DLGAP4: variants seen among roughly 807,000 people sequenced by gnomAD.
DLGAP4 encodes DLG associated protein 4.
DLGAP4 carries 18 observed loss-of-function variants against 86.9 expected under a neutral mutation model. The observed-to-expected ratio is 0.21, with a 90% CI of 0.14 to 0.31. The LOEUF (loss-of-function observed/expected upper bound fraction) is 0.31. Among genes scored for constraint, DLGAP4 ranks in the 10% least tolerant of loss-of-function variants. The pLI, the probability that DLGAP4 is intolerant of heterozygous loss-of-function variation, is 1.00. For synonymous variants in DLGAP4, 548 were observed against 574.3 expected, an observed-to-expected ratio of 0.95 and a Z score of 0.65; for missense variants, 1,085 against 1,362.6, an observed-to-expected ratio of 0.80 and a Z score of 3.21.
intron 10 of DLGAP4, among the ~76,000 whole-genome samples, chr20:36,502,648 G>A (rs543758856): frequency 5.3e-5 from 8 of 151,992 alleles, no homozygotes; most frequent in Non-Finnish European, 8.8e-5. Context: ...CACCACACCC[G>A]GACAACAATT....
At chr20:36,366,812 A>G in intron 1 of DLGAP4, among the ~76,000 whole-genome samples, 1 of 152,216 alleles carries the variant, frequency 6.6e-6, no homozygotes, top group East Asian at 1.9e-4. Flanking sequence ...TGGGAAAGGC[A>G]CTGTAAATAT....
chr20:36,412,722 C>G (rs757620061), intron 2 of DLGAP4, among the ~76,000 whole-genome samples: 8 of 152,140 alleles, frequency 5.3e-5, no homozygotes, highest in Admixed American at 1.3e-4. Context: ...GGTCTTGATT[C>G]ACAAGACTTT....
chr20:36,338,317 T>C (rs570271609), intron 1 of DLGAP4, among the ~76,000 whole-genome samples: 1 of 152,240 alleles, frequency 6.6e-6, no homozygotes, highest in African/African-American at 2.4e-5. Context: ...ATCCCAACAC[T>C]TTGGGAGGCC....
intron 1 of DLGAP4, among the ~76,000 whole-genome samples, chr20:36,310,422 G>T (rs1422084128): frequency 1.3e-5 from 2 of 152,074 alleles, no homozygotes; most frequent in Admixed American, 6.5e-5. Context: ...TAGGAGCCCT[G>T]TTGCGAATTT....
intron 7 of DLGAP4, among the ~76,000 whole-genome samples, chr20:36,451,110 G>A (rs192550082): frequency 5.3e-5 from 8 of 152,250 alleles, no homozygotes; most frequent in Admixed American, 1.3e-4. Context: ...CATCTTGAAC[G>A]GTCTTACTCC....
At chr20:36,521,937 A>G (rs1043251607) in intron 10 of DLGAP4, among the ~76,000 whole-genome samples, 3 of 152,062 alleles carry the variant, frequency 2.0e-5, no homozygotes, top group Non-Finnish European at 4.4e-5. Context: ...TTCTTTCTTG[A>G]TGAGCTCTTG....
intron 7 of DLGAP4, among the ~76,000 whole-genome samples, chr20:36,468,391 T>G (rs2034512482): frequency 6.6e-6 from 1 of 152,232 alleles, no homozygotes; most frequent in African/African-American, 2.4e-5. Context: ...TTTCTCAGGC[T>G]GCAGCCAGGA....
chr20:36,432,003 A>G lies in DLGAP4; in HGVS notation c.286A>G (p.Lys96Glu). Residue 96 changes from lysine (K) to glutamate (E), a missense_variant, in exon 3 of 13, where the codon AAG becomes GAG. This residue lies in a region of DLGAP4 where 1,082 missense variants were observed against 1,344.1 expected (regional missense o/e 0.81). Coordinates refer to ENST00000339266, the MANE Select transcript of DLGAP4 (RefSeq NM_001365621.2). The surrounding 1 kb of genome is among the most constrained non-coding windows in gnomAD (Gnocchi z 6.5). ...CTTCCCCAGCCATGCCCAAGCCACC[A>G]AGATCAACCGGCTGCCCGCCAACCT... Reference protein sequence around the residue: ...SPFPSHAQATKINRLPANLLD... With the variant: ...SPFPSHAQATEINRLPANLLD... 6.2e-7 allele frequency: 1 copy of G among 1,614,012 alleles called. No individual in the cohort carries two copies. The highest frequency in any genetic ancestry group is 8.5e-7 in the Non-Finnish European group (1 of 1,179,976).
At chr20:36,454,061 A>G (rs1164241269) in intron 7 of DLGAP4, among the ~76,000 whole-genome samples, 1 of 151,978 alleles carries the variant, frequency 6.6e-6, no homozygotes, top group Non-Finnish European at 1.5e-5. Flanking sequence ...ACCTGAGGTC[A>G]GGAGTTTGAG....
At chr20:36,440,916 G>GACTTA (rs2147563173) in intron 5 of DLGAP4, among the ~76,000 whole-genome samples, 1 of 152,138 alleles carries the variant, frequency 6.6e-6, no homozygotes, top group East Asian at 1.9e-4. Context: ...AGAAGGCTTT[G>GACTTA]GGACCCCGAC....
intron 1 of DLGAP4, among the ~76,000 whole-genome samples, chr20:36,342,929 C>T (rs782183580): frequency 2.6e-5 from 4 of 152,062 alleles, no homozygotes; most frequent in Non-Finnish European, 4.4e-5. Flanking sequence ...GTGGTGGGAG[C>T]AGCAAGGGCC....
chr20:36,467,050 CTCTCTCTCTCTCT>C (rs1283024574), intron 7 of DLGAP4, among the ~76,000 whole-genome samples: 360 of 134,464 alleles, frequency 2.7e-3, no homozygotes, highest in Middle Eastern at 3.5e-3. Context: ...CTCTCTCTCT[CTCTCTCTCTCTCT>C]CCCCCCCCCT....
chr20:36,373,397 G>C (rs2031019091), intron 2 of DLGAP4, among the ~76,000 whole-genome samples: 1 of 152,180 alleles, frequency 6.6e-6, no homozygotes, highest in African/African-American at 2.4e-5. Flanking sequence ...ATTCTTCCCT[G>C]ATTGCTCAAA....
rs2031857852 is a variant in DLGAP4, at chr20:36,393,733, T to C, written c.-73+26458T>C. Among the ~76,000 whole-genome samples, 1 of 152,194 alleles carries C rather than the reference T, an allele frequency of 6.6e-6. No individual in the cohort carries two copies. The highest frequency in any genetic ancestry group is 1.5e-5 in the Non-Finnish European group (1 of 68,020). ...TGTGCCTGCACCCTTTGTGGCACTT[T>C]AGCCATATTGTCTTGGAATTAGACA... On this transcript the variant is annotated intron_variant, in intron 2 of 12. Transcript: ENST00000339266. The surrounding 1 kb of genome is among the most constrained non-coding windows in gnomAD (Gnocchi z 4.4).
intron 7 of DLGAP4, chr20:36,461,608 C>T: frequency 1.1e-6 from 1 of 947,022 alleles, no homozygotes; most frequent in South Asian, 4.7e-5. Flanking sequence ...CGCCCGGGGC[C>T]CGCCCAGCGC....
chr20:36,518,913 C>G (rs1341197761), intron 10 of DLGAP4, among the ~76,000 whole-genome samples: 1 of 151,950 alleles, frequency 6.6e-6, no homozygotes, highest in Non-Finnish European at 1.5e-5. Flanking sequence ...GTCAGGAGTT[C>G]GAGACTAGCC....
chr20:36,455,297 C>A (rs1400984126), intron 7 of DLGAP4, among the ~76,000 whole-genome samples: 2 of 152,034 alleles, frequency 1.3e-5, no homozygotes. Context: ...CCTTCCTTCC[C>A]TCTCAGTTTC....
intron 11 of DLGAP4, chr20:36,525,422 C>T (rs1156935561): frequency 1.3e-5 from 3 of 236,526 alleles, no homozygotes; most frequent in East Asian, 1.9e-4. Context: ...TCTCCAAGAC[C>T]TACAGAGACT....
intron 1 of DLGAP4, among the ~76,000 whole-genome samples, chr20:36,332,679 G>A (rs574991794): frequency 3.3e-5 from 5 of 152,070 alleles, no homozygotes; most frequent in Non-Finnish European, 2.9e-5. Flanking sequence ...CATCTGTCCC[G>A]GCAGCCCCAG....
Sources: allele counts gnomAD v4.1 joint callset (sites outside exome capture counted in the v4.1 genomes callset), GRCh38; gene constraint gnomAD v4.1.1; regional missense constraint gnomAD v4.1.1; non-coding constraint Gnocchi (gnomAD v3.1); transcripts MANE v1.5; gene names NCBI Gene and HGNC (gene_info 2026-07-23, HGNC 2026-07-21).